Variants in RNF216 observed in about 807,000 individuals in gnomAD.
The protein encoded by RNF216 is ring finger protein 216.
In RNF216, 72 loss-of-function variants were observed where a neutral mutation model predicts 110.8. The observed-to-expected ratio is 0.65, with a 90% CI of 0.54 to 0.79. RNF216 has a LOEUF of 0.79. RNF216 is among the 30% of genes least tolerant of loss of function. RNF216 has a pLI of 0.00. For synonymous variants in RNF216, 495 were observed against 407.5 expected, an observed-to-expected ratio of 1.21 and a Z score of -2.59; for missense variants, 1,342 against 1,141.2, an observed-to-expected ratio of 1.18 and a Z score of -2.54.
Position 5,621,059 on chromosome 7 carries a change from C to G in RNF216, c.*1801G>C, listed in dbSNP as rs970355350. Reference sequence around the variant, plus strand: ...GGTATGGGCGCCAGCAAGGACATAGCAGCAGGCTGCCCCCAAGCCCGGCCT... The same window carrying G: ...GGTATGGGCGCCAGCAAGGACATAGGAGCAGGCTGCCCCCAAGCCCGGCCT... On this transcript the variant is annotated 3_prime_UTR_variant, in exon 17 of 17. Coordinates refer to ENST00000389902, the MANE Select transcript of RNF216 (RefSeq NM_207111.4). 1 of 152,322 alleles carries G rather than the reference C, an allele frequency of 6.6e-6. No individual in the cohort carries two copies. The highest frequency in any genetic ancestry group is 2.4e-5 in the African/African-American group (1 of 41,454). 9.4% of individuals were successfully genotyped at this position (152,322 alleles called of 1,614,324 possible).
chr7:5,716,675 A>G lies in RNF216; in HGVS notation c.1695+41T>C, dbSNP rs199886954. 1.6e-5 allele frequency: 24 copies of G among 1,522,872 alleles called. No individual in the cohort carries two copies. The African/African-American group carries it at 2.6e-4, about 17-fold the overall frequency. 94.3% of individuals were successfully genotyped at this position (1,522,872 alleles called of 1,614,324 possible). A position where few individuals can be genotyped will look rare whatever the true frequency, so the allele number is the denominator to read the frequency against. ...AAAACATGGTAAGAGAAAACAGCCCATGAAAATGCCCAGAATAAACAAGGT... is the reference window on the plus strand; with the variant it reads ...AAAACATGGTAAGAGAAAACAGCCCGTGAAAATGCCCAGAATAAACAAGGT... On this transcript the variant is annotated intron_variant, in intron 10 of 16. Coordinates refer to ENST00000389902, the MANE Select transcript of RNF216 (RefSeq NM_207111.4).
chr7:5,702,819 G>A (rs962206600), intron 13 of RNF216, among the ~76,000 whole-genome samples: 6 of 152,248 alleles, frequency 3.9e-5, no homozygotes, highest in Admixed American at 3.3e-4. Flanking sequence ...TTGCTATGAC[G>A]CCAGCCCTGC....
intron 13 of RNF216, among the ~76,000 whole-genome samples, chr7:5,701,203 A>G (rs1284969046): frequency 6.6e-6 from 1 of 152,176 alleles, no homozygotes; most frequent in African/African-American, 2.4e-5. Context: ...GTCATTTCTT[A>G]TAGAATGTAT....
intron 13 of RNF216, among the ~76,000 whole-genome samples, chr7:5,682,941 T>C (rs370242659): frequency 3.0e-4 from 45 of 152,308 alleles, no homozygotes; most frequent in African/African-American, 1.1e-3. Flanking sequence ...AAATTCTACA[T>C]TTCCAACTCA....
chr7:5,678,940 C>A (rs1206419982), intron 13 of RNF216, among the ~76,000 whole-genome samples: 1 of 152,306 alleles, frequency 6.6e-6, no homozygotes, highest in African/African-American at 2.4e-5. Context: ...TCTCCAATAA[C>A]CCTGATCACA....
chr7:5,695,566 A>G (rs1791575828), intron 13 of RNF216, among the ~76,000 whole-genome samples: 1 of 152,244 alleles, frequency 6.6e-6, no homozygotes, highest in Non-Finnish European at 1.5e-5. Flanking sequence ...AAGACACCGC[A>G]GCTATAGACA....
Position 5,729,437 on chromosome 7 carries a change from G to A in RNF216, c.1384C>T (p.Arg462Ter). 5 of 1,613,994 alleles carry A rather than the reference G, an allele frequency of 3.1e-6. No individual in the cohort carries two copies. The highest frequency in any genetic ancestry group is 4.2e-6 in the Non-Finnish European group (5 of 1,179,968). The change falls in exon 7 of 17, where the codon CGA (arginine) becomes TGA (stop). Residue 462 changes from arginine to a stop codon, truncating the protein, a stop_gained. Coordinates refer to ENST00000389902, the MANE Select transcript of RNF216 (RefSeq NM_207111.4). LOFTEE classifies it high-confidence loss of function. The part of the protein sequence containing the change: ...HELKGHYAIT[R>*]KALSDAIKKW... ...AGGAAGACCAAGTAGAGTACCTTTC[G>A]GGTGATTGCATAGTGTCCTTTGAGC...
Position 5,741,766 on chromosome 7 carries a change from T to C in RNF216, c.251A>G (p.Gln84Arg), listed in dbSNP as rs1794772331. Residue 84 changes from glutamine to arginine, a missense_variant, in exon 4 of 17, where the codon CAG (glutamine) becomes CGG (arginine). By Grantham distance (43) the Gln-to-Arg change is conservative. Coordinates refer to ENST00000389902, the MANE Select transcript of RNF216 (RefSeq NM_207111.4). ...SRPNLIKPAA[Q>R]WQDLKRLGEE... is the part of the protein sequence containing the mutation. ...TCCCAACCTTTTCAGATCTTGCCAC[T>C]GGGCAGCTGGTTTGATGAGATTGGG... 2 of 1,614,180 alleles carry C rather than the reference T, an allele frequency of 1.2e-6. No individual in the cohort carries two copies. The highest frequency in any genetic ancestry group is 1.7e-6 in the Non-Finnish European group (2 of 1,180,020).
In RNF216 at chr7:5,620,306, T is replaced by C. The variant is rs2128552912; in HGVS notation, c.*2554A>G. ...AAGGCAAGTAAGAGGGGGCTGTGGC[T>C]GGGGAGCCTCACGCCCTGCGGCAAG... On this transcript the variant is annotated 3_prime_UTR_variant, in exon 17 of 17. Coordinates refer to ENST00000389902, the MANE Select transcript of RNF216 (RefSeq NM_207111.4). The C allele has an allele frequency of 6.6e-6, 1 of 152,326 alleles. No homozygotes were observed. The highest frequency in any genetic ancestry group is 2.1e-4 in the South Asian group (1 of 4,832). The allele number at this position is 152,326 out of a possible 1,614,324, so 9.4% of individuals were successfully genotyped here. A position where few individuals can be genotyped will look rare whatever the true frequency, so the allele number is the denominator to read the frequency against.
rs1788758759 is a variant in RNF216 at position 5,656,562 on chromosome 7, A to AG, written c.2062-4053dup. Among the ~76,000 whole-genome samples, 3 of 151,830 alleles carry AG rather than the reference A, an allele frequency of 2.0e-5. No individual in the cohort carries two copies. The South Asian group carries it at 6.3e-4, about 32-fold the overall frequency. ...GCAGGCAAGCAGCTCCCGCCCTCTCAGGGGGGAAGGAGCATGCATGCTGGG... is the reference window on the plus strand; with the variant it reads ...GCAGGCAAGCAGCTCCCGCCCTCTCAGGGGGGGAAGGAGCATGCATGCTGGG... On this transcript the variant is annotated intron_variant, in intron 13 of 16. Transcript: ENST00000389902.
intron 14 of RNF216, among the ~76,000 whole-genome samples, chr7:5,651,113 G>C (rs1302121334): frequency 6.6e-6 from 1 of 152,190 alleles, no homozygotes; most frequent in Non-Finnish European, 1.5e-5. Context: ...TGCTTGGCAA[G>C]TTGTCTATTT....
chr7:5,652,550 G>C, intron 13 of RNF216, 40 bp from the exon 14 acceptor site: 1 of 1,336,660 alleles, frequency 7.5e-7, no homozygotes. Flanking sequence ...CTCCTGGTGA[G>C]TGGACACCAC....
intron 1 of RNF216, among the ~76,000 whole-genome samples, chr7:5,772,953 A>AT (rs1242760285): frequency 6.6e-6 from 1 of 151,416 alleles, no homozygotes; most frequent in East Asian, 1.9e-4. Context: ...TAATTTTTGT[A>AT]TTTTTTAGTA....
intron 16 of RNF216, among the ~76,000 whole-genome samples, 171 bp downstream of exon 16, chr7:5,623,885 C>CGGAAA (rs894753265): frequency 3.9e-5 from 6 of 152,168 alleles, no homozygotes; most frequent in Admixed American, 3.9e-4. Flanking sequence ...AAGGCCTTTC[C>CGGAAA]ATAAGCCTGA....
chr7:5,698,371 T>C (rs1305123835), intron 13 of RNF216, among the ~76,000 whole-genome samples: 1 of 145,680 alleles, frequency 6.9e-6, no homozygotes, highest in African/African-American at 2.6e-5. Flanking sequence ...GTGAGCTGTC[T>C]TAGATTCTTT....
In RNF216 at chr7:5,750,286, G is replaced by C. The variant is rs112124393; in HGVS notation, c.201+2560C>G. On this transcript the variant is annotated intron_variant, in intron 3 of 16. Coordinates refer to ENST00000389902, the MANE Select transcript of RNF216 (RefSeq NM_207111.4). ...CCAGATGCTGGATACAGCACACAAA[G>C]ACTAATGTCTGCCCTGGTTTGGTTT... Among the ~76,000 whole-genome samples, 280 of 152,292 alleles carry C rather than the reference G, an allele frequency of 1.8e-3. 1 individual carries two copies. The highest frequency in any genetic ancestry group is 0.01 in the Middle Eastern group (3 of 294).
At chr7:5,722,057 G>A (rs1448311865) in intron 8 of RNF216, among the ~76,000 whole-genome samples, 1 of 152,120 alleles carries the variant, frequency 6.6e-6, no homozygotes, top group African/African-American at 2.4e-5. Flanking sequence ...GAGGAGCTGG[G>A]ACTATACAGG....
At chr7:5,631,928 C>G (rs185969513) in intron 15 of RNF216, among the ~76,000 whole-genome samples, 3 of 152,186 alleles carry the variant, frequency 2.0e-5, no homozygotes, top group African/African-American at 7.2e-5. Flanking sequence ...GCTCACACCC[C>G]CTTCTCCACG....
At chr7:5,702,848 G>C (rs1328388703) in intron 13 of RNF216, among the ~76,000 whole-genome samples, 1 of 152,216 alleles carries the variant, frequency 6.6e-6, no homozygotes, top group African/African-American at 2.4e-5. Context: ...TGACGGAAGG[G>C]AGGCTCACAG....
Sources: gnomAD v4.1 joint callset for allele counts (sites outside exome capture counted in the v4.1 genomes callset) on GRCh38, gnomAD v4.1.1 for gene constraint, MANE v1.5 for transcripts, NCBI Gene and HGNC (gene_info 2026-07-23, HGNC 2026-07-21) for gene names.